KCND2: variants seen among roughly 807,000 people sequenced by gnomAD.
KCND2 encodes A-type voltage-gated potassium channel KCND2.
A neutral mutation model predicts 54.4 loss-of-function variants in KCND2; 16 were observed. That is an observed-to-expected ratio of 0.29 (90% CI 0.20 to 0.45). KCND2 has a LOEUF of 0.45. Ranked by LOEUF, KCND2 falls within the 20% of genes least tolerant of loss-of-function variation. The pLI, the probability that KCND2 is intolerant of heterozygous loss-of-function variation, is 1.00. For synonymous variants in KCND2, 317 were observed against 310.7 expected (o/e 1.02, Z -0.21); for missense variants, 486 against 824.2 (o/e 0.59, Z 5.02).
At chr7:120,357,449 G>C (rs182675212) in intron 1 of KCND2, among the ~76,000 whole-genome samples, 1 of 151,858 alleles carries the variant, frequency 6.6e-6, no homozygotes, top group Non-Finnish European at 1.5e-5. Context: ...GAATACTTTC[G>C]TCTATAAGAA....
intron 1 of KCND2, among the ~76,000 whole-genome samples, chr7:120,585,088 A>G (rs1452274014): frequency 6.6e-6 from 1 of 152,150 alleles, no homozygotes; most frequent in Admixed American, 6.5e-5. Flanking sequence ...TTCCTGACAC[A>G]CACTTAGGTG....
intron 4 of KCND2, among the ~76,000 whole-genome samples, chr7:120,744,516 G>T (rs1792981314): frequency 6.6e-6 from 1 of 152,026 alleles, no homozygotes; most frequent in Non-Finnish European, 1.5e-5. Context: ...GAAACAGATT[G>T]TGAATCTTTT....
At chr7:120,693,126 A>T (rs1030149799) in intron 1 of KCND2, among the ~76,000 whole-genome samples, 1 of 152,204 alleles carries the variant, frequency 6.6e-6, no homozygotes, top group Non-Finnish European at 1.5e-5. Context: ...AAAGTACAGG[A>T]GTACCAACAT....
At chr7:120,718,990 G>GGTTCAATAAATTGAACCAAGT (rs1258771897) in intron 1 of KCND2, among the ~76,000 whole-genome samples, 1 of 151,956 alleles carries the variant, frequency 6.6e-6, no homozygotes, top group African/African-American at 2.4e-5. Flanking sequence ...CTTTTGGGGT[G>GGTTCAATAAATTGAACCAAGT]GTTCAATAAA....
intron 1 of KCND2, among the ~76,000 whole-genome samples, chr7:120,540,748 G>C (rs892031971): frequency 2.0e-5 from 3 of 151,990 alleles, no homozygotes; most frequent in Non-Finnish European, 2.9e-5. Flanking sequence ...CAAAATAATG[G>C]ATCAAATTTA....
intron 1 of KCND2, among the ~76,000 whole-genome samples, chr7:120,408,148 G>A (rs184798928): frequency 1.4e-4 from 21 of 151,982 alleles, no homozygotes; most frequent in East Asian, 7.7e-4. Flanking sequence ...GAAGGGATGC[G>A]AAGGAGAAGG....
intron 1 of KCND2, among the ~76,000 whole-genome samples, chr7:120,678,259 T>G (rs553238274): frequency 2.0e-5 from 3 of 150,802 alleles, no homozygotes; most frequent in African/African-American, 7.3e-5. Context: ...CCCAATTTCC[T>G]GTATGCATTC....
chr7:120,436,155 T>TA (rs2116179598), intron 1 of KCND2, among the ~76,000 whole-genome samples: 1 of 152,330 alleles, frequency 6.6e-6, no homozygotes, highest in Admixed American at 6.5e-5. Flanking sequence ...CTGTATATTT[T>TA]AAAAATATAT....
In KCND2 at chr7:120,598,134, T is replaced by C. The variant is rs186205398; in HGVS notation, c.1116-134769T>C. Among the ~76,000 whole-genome samples, 263 of 151,996 alleles carry C rather than the reference T, an allele frequency of 1.7e-3. 2 individuals are homozygous for C. The highest frequency in any genetic ancestry group is 6.8e-3 in the Middle Eastern group (2 of 294). On this transcript the variant is annotated intron_variant, in intron 1 of 5. Coordinates refer to ENST00000331113, the MANE Select transcript of KCND2 (RefSeq NM_012281.3). Reference sequence around the variant, plus strand: ...AATGAAAATTAAGAACTAAGAACAATTAATTGTTCCACTGAACAATTAAGT... The same window carrying C: ...AATGAAAATTAAGAACTAAGAACAACTAATTGTTCCACTGAACAATTAAGT...
chr7:120,579,849 A>G (rs1792493122), intron 1 of KCND2, among the ~76,000 whole-genome samples: 1 of 152,052 alleles, frequency 6.6e-6, no homozygotes. Context: ...TTTCTCTGTT[A>G]AGTATGGTAG....
At chr7:120,556,085 A>G (rs1237470753) in intron 1 of KCND2, among the ~76,000 whole-genome samples, 3 of 152,216 alleles carry the variant, frequency 2.0e-5, no homozygotes, top group African/African-American at 7.2e-5. Flanking sequence ...GAGAGTACTG[A>G]TTATTTATAC....
intron 1 of KCND2, among the ~76,000 whole-genome samples, chr7:120,506,085 C>G (rs1803012659): frequency 6.6e-6 from 1 of 151,660 alleles, no homozygotes; most frequent in African/African-American, 2.4e-5. Flanking sequence ...ATCTTACCTT[C>G]CTTTTCAAAG....
chr7:120,620,240 C>CAA (rs568568003), intron 1 of KCND2, among the ~76,000 whole-genome samples: 2 of 138,718 alleles, frequency 1.4e-5, no homozygotes. Context: ...ATTCCAACTG[C>CAA]AAAAAAAAAA....
At chr7:120,672,522 T>C (rs1392836701) in intron 1 of KCND2, among the ~76,000 whole-genome samples, 1 of 152,132 alleles carries the variant, frequency 6.6e-6, no homozygotes, top group Non-Finnish European at 1.5e-5. Context: ...TAGATAGCTC[T>C]GTTAAGTCCT....
chr7:120,596,847 C>T (rs1031386193), intron 1 of KCND2, among the ~76,000 whole-genome samples: 2 of 152,186 alleles, frequency 1.3e-5, no homozygotes, highest in South Asian at 4.1e-4. Flanking sequence ...GATTATACTA[C>T]ATTGTGCTGA....
chr7:120,283,118 A>C (rs1799289613), intron 1 of KCND2, among the ~76,000 whole-genome samples: 1 of 152,286 alleles, frequency 6.6e-6, no homozygotes, highest in African/African-American at 2.4e-5. Context: ...CTTTCTGACT[A>C]TCTGGATGAA....
At chr7:120,458,214 T>C (rs1158822503) in intron 1 of KCND2, among the ~76,000 whole-genome samples, 1 of 152,188 alleles carries the variant, frequency 6.6e-6, no homozygotes, top group Non-Finnish European at 1.5e-5. Context: ...GAAGGAAATA[T>C]TAAGTGTCCG....
intron 1 of KCND2, among the ~76,000 whole-genome samples, chr7:120,595,703 A>G (rs921110620): frequency 3.3e-5 from 5 of 150,874 alleles, no homozygotes; most frequent in East Asian, 3.9e-4. Context: ...AACAATCTCA[A>G]TGATATTTTT....
chr7:120,453,895 G>A (rs1314944268), intron 1 of KCND2, among the ~76,000 whole-genome samples: 1 of 152,136 alleles, frequency 6.6e-6, no homozygotes, highest in East Asian at 1.9e-4. Flanking sequence ...GACCATCCTG[G>A]CTAACATGGT....
Sources: allele counts gnomAD v4.1 joint callset (sites outside exome capture counted in the v4.1 genomes callset), GRCh38; gene constraint gnomAD v4.1.1; transcripts MANE v1.5; gene names NCBI Gene and HGNC (gene_info 2026-07-23, HGNC 2026-07-21).